Variants in ZKSCAN7 observed in about 807,000 individuals in gnomAD.
ZKSCAN7 encodes zinc finger protein with KRAB and SCAN domains 7.
Under a neutral mutation model 65.3 loss-of-function variants are expected in ZKSCAN7, and 38 were observed. The observed-to-expected ratio is 0.58, with a 90% CI of 0.45 to 0.76. ZKSCAN7 has a LOEUF of 0.76. ZKSCAN7 is among the 30% of genes least tolerant of loss of function. ZKSCAN7 has a pLI of 0.00. For synonymous variants in ZKSCAN7, 321 were observed against 321.0 expected (o/e 1.00, Z 0.00); for missense variants, 815 against 913.3 (o/e 0.89, Z 1.39).
intron 5 of ZKSCAN7, among the ~76,000 whole-genome samples, chr3:44,577,593 G>C (rs1336262246): frequency 2.6e-5 from 4 of 152,108 alleles, no homozygotes; most frequent in Non-Finnish European, 4.4e-5. Flanking sequence ...GGTGAGACAG[G>C]GTAGCTTATC....
Position 44,570,815 on chromosome 3 carries a change from C to T in ZKSCAN7, c.1705C>T (p.His569Tyr). ...AFSRSKCLIR[H>Y]QSLHTGEKPY... is the part of the protein sequence containing the mutation. ...CAGTCGGAGTAAATGTCTTATTCGA[C>T]ATCAGAGCCTCCATACTGGGGAAAA... is the stretch of plus-strand genomic sequence containing the variant. Residue 569 changes from histidine to tyrosine, a missense_variant, in exon 6 of 6, where the codon CAT (histidine) becomes TAT (tyrosine). By Grantham distance (83) the His-to-Tyr change is moderately conservative (BLOSUM62 2). Around this residue, in one of 3 missense-constraint regions of ZKSCAN7, gnomAD observed 578 missense variants for 629.5 expected, o/e 0.92. Transcript: ENST00000426540. 1 of 1,614,174 alleles carries T rather than the reference C, an allele frequency of 6.2e-7. No homozygotes were observed. Among genetic ancestry groups the T allele is most frequent in the East Asian group, 2.2e-5 (1 of 44,870 alleles).
chr3:44,560,710 A>G (rs572260355), intron 2 of ZKSCAN7, among the ~76,000 whole-genome samples: 1 of 152,012 alleles, frequency 6.6e-6, no homozygotes, highest in East Asian at 1.9e-4. Flanking sequence ...GGGTTTCACC[A>G]TGTTAGCCAG....
rs1170837844 is a variant in ZKSCAN7, at chr3:44,570,857, G to A, written c.1747G>A (p.Glu583Lys). Residue 583 changes from glutamate to lysine, a missense_variant, in exon 6 of 6, where the codon GAA becomes AAA. Glu to Lys is a moderately conservative substitution (Grantham distance 56). Around this residue, in one of 3 missense-constraint regions of ZKSCAN7, gnomAD observed 578 missense variants for 629.5 expected, o/e 0.92. Transcript: ENST00000426540. ...HTGEKPYKCS[E>K]CGKAFNQNSQ... ...TGGGGAAAAGCCATACAAATGTAGT[G>A]AATGTGGGAAAGCCTTCAATCAGAA... is the stretch of plus-strand genomic sequence containing the variant. The A allele has an allele frequency of 6.2e-7, 1 of 1,614,238 alleles. No individual in the cohort carries two copies. The highest frequency in any genetic ancestry group is 8.5e-7 in the Non-Finnish European group (1 of 1,180,040).
intron 2 of ZKSCAN7, among the ~76,000 whole-genome samples, chr3:44,559,015 G>A (rs1699384172): frequency 6.6e-6 from 1 of 151,898 alleles, no homozygotes; most frequent in Non-Finnish European, 1.5e-5. Context: ...GGCTTCAGAT[G>A]ATATTCTTGC....
At chr3:44,578,096 A>G (rs1411462144) in intron 5 of ZKSCAN7, 4 of 1,572,810 alleles carry the variant, frequency 2.5e-6, no homozygotes, top group Non-Finnish European at 3.5e-6. Context: ...ACACCATGGC[A>G]CTGTCAGGGG....
chr3:44,563,674 G>C (rs944641828), intron 2 of ZKSCAN7, among the ~76,000 whole-genome samples: 5 of 141,762 alleles, frequency 3.5e-5, no homozygotes, highest in African/African-American at 1.3e-4. Flanking sequence ...CCGTGATCCA[G>C]TCACTTCCCA....
At chr3:44,565,922 C>T (rs994725256) in intron 3 of ZKSCAN7, among the ~76,000 whole-genome samples, 4 of 152,194 alleles carry the variant, frequency 2.6e-5, no homozygotes, top group African/African-American at 9.6e-5. Context: ...TTTCAAAGAG[C>T]TTGTTATCTA....
rs553007236 is a variant in ZKSCAN7, at chr3:44,577,281, C to T, written c.812-5691C>T. On this transcript the variant is annotated intron_variant, in intron 5 of 5. Transcript: ENST00000341840. Reference sequence around the variant, plus strand: ...CCATGCCCAGCCCAAATAACCAATTCTTTTTTTTTTTGTTTTTTTTTAGGA... The same window carrying T: ...CCATGCCCAGCCCAAATAACCAATTTTTTTTTTTTTTGTTTTTTTTTAGGA... Among the ~76,000 whole-genome samples, 214 of 146,918 alleles carry T rather than the reference C, an allele frequency of 1.5e-3. 1 individual carries two copies. Among genetic ancestry groups the T allele is most frequent in the Admixed American group, 3.9e-3 (57 of 14,606 alleles).
In ZKSCAN7 at chr3:44,571,731, C is replaced by T. The variant is rs1004595844; in HGVS notation, c.*356C>T. The T allele has an allele frequency of 3.3e-5, 35 of 1,063,178 alleles. No individual in the cohort carries two copies. Among genetic ancestry groups the T allele is most frequent in the Non-Finnish European group, 3.8e-5 (33 of 877,520 alleles). 65.9% of individuals were successfully genotyped at this position (1,063,178 alleles called of 1,614,324 possible). ...ATTCTATTCTACTTCCTCCATTTCA[C>T]CATTTATACAAAGTCATTCAAAAAG... On this transcript the variant is annotated 3_prime_UTR_variant, in exon 6 of 6. Coordinates refer to ENST00000426540, the MANE Select transcript of ZKSCAN7 (RefSeq NM_001288590.2).
chr3:44,565,766 T>G (rs1329359584), intron 3 of ZKSCAN7, 111 bp downstream of exon 3: 26 of 1,143,992 alleles, frequency 2.3e-5, no homozygotes, highest in Non-Finnish European at 2.9e-5. Context: ...ATTGCTCTGC[T>G]GTCTGTCCTT....
downstream of ZKSCAN7, among the ~76,000 whole-genome samples, chr3:44,575,809 C>A (rs1427567084): frequency 6.6e-6 from 1 of 152,158 alleles, no homozygotes; most frequent in Non-Finnish European, 1.5e-5. Flanking sequence ...AATTCCCGAC[C>A]TCAGGTGATC....
rs1402866748 is a variant in ZKSCAN7, at chr3:44,568,445, GT to G, written c.811+15del. 1.9e-6 allele frequency: 3 copies of G among 1,611,960 alleles called. No individual in the cohort carries two copies. The highest frequency in any genetic ancestry group is 2.5e-6 in the Non-Finnish European group (3 of 1,179,090). Reference sequence around the variant, plus strand: ...CATGGCCTCCTTGGGTAATGATTCTGTTTCCTAGTCACTTAAAGTCTGCATG... The same window carrying G: ...CATGGCCTCCTTGGGTAATGATTCTGTTCCTAGTCACTTAAAGTCTGCATG... On this transcript the variant is annotated intron_variant, in intron 5 of 5. Coordinates refer to ENST00000426540, the MANE Select transcript of ZKSCAN7 (RefSeq NM_001288590.2).
chr3:44,557,350 G>T lies in ZKSCAN7; in HGVS notation c.303G>T (p.Gln101His). 6.2e-7 allele frequency: 1 copy of T among 1,614,270 alleles called. No homozygotes were observed. Among genetic ancestry groups the T allele is most frequent in the South Asian group, 1.1e-5 (1 of 91,084 alleles). ...TCCTGGAGCTGCTGGTGCTTGAGCAGTTCCTGAGCATCCTCCCTGGGGAGC... is the reference window on the plus strand; with the variant it reads ...TCCTGGAGCTGCTGGTGCTTGAGCATTTCCTGAGCATCCTCCCTGGGGAGC... ...EQILELLVLEQFLSILPGELR... is the reference protein window; with the variant it reads ...EQILELLVLEHFLSILPGELR... Residue 101 changes from glutamine (Q) to histidine (H), a missense_variant, in exon 2 of 6, where the codon CAG (glutamine) becomes CAT (histidine). This residue lies in a region of ZKSCAN7 where 227 missense variants were observed against 253.3 expected (regional missense o/e 0.90). Coordinates refer to ENST00000426540, the MANE Select transcript of ZKSCAN7 (RefSeq NM_001288590.2).
chr3:44,580,161 C>T (rs1700035574), intron 5 of ZKSCAN7: 2 of 1,557,594 alleles, frequency 1.3e-6, no homozygotes, highest in Admixed American at 1.7e-5. Context: ...GGTGCTGGGG[C>T]TGGGAGGGGA....
chr3:44,578,427 C>T (rs1377060717), intron 5 of ZKSCAN7: 3 of 1,614,026 alleles, frequency 1.9e-6, no homozygotes, highest in Admixed American at 3.3e-5. Context: ...ATCTCTGCAG[C>T]CAGGCGGTTG....
At chr3:44,562,432 GT>G (rs1699502208) in intron 2 of ZKSCAN7, among the ~76,000 whole-genome samples, 1 of 152,210 alleles carries the variant, frequency 6.6e-6, no homozygotes, top group South Asian at 2.1e-4. Context: ...CCCTGGAGAC[GT>G]TTTCCCCATT....
Position 44,556,970 on chromosome 3 carries a change from G to A in ZKSCAN7, c.-78G>A. 12 of 1,590,504 alleles carry A rather than the reference G, an allele frequency of 7.5e-6. No individual in the cohort carries two copies. Among genetic ancestry groups the A allele is most frequent in the Non-Finnish European group, 1.0e-5 (12 of 1,167,320 alleles). ...CCCCTTTCTCCAACCCTGAAAAACA[G>A]TTCCTGAGACCTGAACTATTGACCA... is the stretch of plus-strand genomic sequence containing the variant. On this transcript the variant is annotated 5_prime_UTR_variant, in exon 2 of 6. Coordinates refer to ENST00000426540, the MANE Select transcript of ZKSCAN7 (RefSeq NM_001288590.2).
chr3:44,563,999 C>T (rs1699557591), intron 2 of ZKSCAN7, among the ~76,000 whole-genome samples: 1 of 152,126 alleles, frequency 6.6e-6, no homozygotes, highest in Non-Finnish European at 1.5e-5. Flanking sequence ...AGGAGAGAGT[C>T]CCTTAACATC....
intron 2 of ZKSCAN7, among the ~76,000 whole-genome samples, chr3:44,559,613 G>A (rs1281325139): frequency 3.3e-5 from 5 of 152,114 alleles, no homozygotes; most frequent in African/African-American, 1.2e-4. Context: ...TTTTAGTAGA[G>A]ACGGGGTTTC....
Sources: gnomAD v4.1 joint callset for allele counts (sites outside exome capture counted in the v4.1 genomes callset) on GRCh38, gnomAD v4.1.1 for gene constraint, gnomAD v4.1.1 regional missense constraint, MANE v1.5 for transcripts, NCBI Gene and HGNC (gene_info 2026-07-23, HGNC 2026-07-21) for gene names.